TTC39B: variants seen among roughly 807,000 people sequenced by gnomAD.
The protein encoded by TTC39B is tetratricopeptide repeat protein 39B.
Under a neutral mutation model 96.6 loss-of-function variants are expected in TTC39B, and 92 were observed. The observed-to-expected ratio is 0.95, with a 90% CI of 0.80 to 1.13. The LOEUF (loss-of-function observed/expected upper bound fraction) is 1.13, where lower values mean the gene tolerates loss of function less well. TTC39B is among the 50% of genes most tolerant of loss of function. The pLI is 0.00. For missense variants in TTC39B, 955 were observed against 809.3 expected, an observed-to-expected ratio of 1.18 and a Z score of -2.18; for synonymous variants, 367 against 299.4, an observed-to-expected ratio of 1.23 and a Z score of -2.33.
chr9:15,245,451 T>C (rs1822232401), intron 2 of TTC39B, among the ~76,000 whole-genome samples: 2 of 152,204 alleles, frequency 1.3e-5, no homozygotes, highest in African/African-American at 4.8e-5. Context: ...CAGCCTGTGG[T>C]ATCAAGCAGG....
chr9:15,190,723 T>C, intron 10 of TTC39B, 61 bp from the exon 11 acceptor site: 1 of 1,289,948 alleles, frequency 7.8e-7, no homozygotes, highest in Non-Finnish European at 1.1e-6. Flanking sequence ...ATTCAGAAAC[T>C]TTTTAAACAT....
At chr9:15,186,645 T>C (rs1395753180) in intron 15 of TTC39B, 2 of 215,584 alleles carry the variant, frequency 9.3e-6, no homozygotes, top group Non-Finnish European at 1.8e-5. Context: ...GTGACATTTA[T>C]CATGCCATGG....
At position 15,186,925 on chromosome 9, in the gene TTC39B, G is replaced by C. The variant is rs369825488; in HGVS notation, c.1487+19C>G. 3.7e-6 allele frequency: 6 copies of C among 1,607,308 alleles called. No individual in the cohort carries two copies. In the African/African-American group the frequency reaches 8.0e-5, roughly 22 times the overall value. On this transcript the variant is annotated intron_variant, in intron 15 of 19. Transcript: ENST00000512701. ...TTATACCCTCAGAGCCTTTGTTATA[G>C]GAATAGTGTCTCACATACCTGAATA... is the stretch of plus-strand genomic sequence containing the variant.
At chr9:15,272,295 C>T (rs1225722956) in intron 1 of TTC39B, among the ~76,000 whole-genome samples, 2 of 152,192 alleles carry the variant, frequency 1.3e-5, no homozygotes, top group African/African-American at 4.8e-5. Context: ...CTCTTTGCTT[C>T]TCCATACTCA....
chr9:15,273,117 G>A lies in TTC39B; in HGVS notation c.241-5169C>T, dbSNP rs527798650. ...TGCATGCAAGAACATTTGAGTGGAA[G>A]AGCAGGTTCTTGATGTTCATTTAAG... On this transcript the variant is annotated intron_variant, in intron 1 of 19. Transcript: ENST00000512701. Among the ~76,000 whole-genome samples, 24 of 152,340 alleles carry A rather than the reference G, an allele frequency of 1.6e-4. No homozygotes were observed. In the East Asian group the frequency reaches 4.4e-3, roughly 28 times the overall value.
rs549150155 is a variant in TTC39B, at chr9:15,167,028, A to ATTT, written c.*4988_*4990dup. 6 of 11,032 alleles carry ATTT rather than the reference A, an allele frequency of 5.4e-4. 1 individual carries two copies. The highest frequency in any genetic ancestry group is 8.6e-4 in the African/African-American group (3 of 3,502). 0.7% of individuals were successfully genotyped at this position (11,032 alleles called of 1,614,324 possible). On this transcript the variant is annotated 3_prime_UTR_variant, in exon 20 of 20. Transcript: ENST00000512701. Reference sequence around the variant, plus strand: ...TATATATATATATATATATATATATATTTTTTTTTTTTTTTTTTTTTTTTT... The same window carrying ATTT: ...TATATATATATATATATATATATATATTTTTTTTTTTTTTTTTTTTTTTTTTTT...
chr9:15,285,446 C>A (rs1823932394), intron 1 of TTC39B, among the ~76,000 whole-genome samples: 2 of 152,106 alleles, frequency 1.3e-5, no homozygotes, highest in African/African-American at 4.8e-5. Context: ...AATAGATACC[C>A]CAATTACCCT....
chr9:15,238,528 C>G (rs568331874), intron 2 of TTC39B, among the ~76,000 whole-genome samples: 4 of 152,268 alleles, frequency 2.6e-5, no homozygotes, highest in Admixed American at 6.5e-5. Flanking sequence ...AACTGAATCC[C>G]ATTTATGTTA....
At chr9:15,205,241 G>A (rs533748020) in intron 6 of TTC39B, among the ~76,000 whole-genome samples, 4 of 152,294 alleles carry the variant, frequency 2.6e-5, no homozygotes, top group South Asian at 4.1e-4. Context: ...CCCATGATCC[G>A]TGTCACTGCT....
At chr9:15,284,469 C>G (rs1295142757) in intron 1 of TTC39B, among the ~76,000 whole-genome samples, 2 of 152,104 alleles carry the variant, frequency 1.3e-5, no homozygotes, top group Non-Finnish European at 2.9e-5. Flanking sequence ...GAATTAGACC[C>G]AAATGATCTT....
chr9:15,299,298 A>G (rs188523572), intron 1 of TTC39B, among the ~76,000 whole-genome samples: 8 of 152,360 alleles, frequency 5.3e-5, no homozygotes, highest in Non-Finnish European at 1.0e-4. Context: ...TAATATCAGC[A>G]GTACCAAGGG....
Position 15,211,253 on chromosome 9 carries a change from T to C in TTC39B, c.614+13A>G, listed in dbSNP as rs749057248. 30 of 1,512,876 alleles carry C rather than the reference T, an allele frequency of 2.0e-5. No individual in the cohort carries two copies. The highest frequency in any genetic ancestry group is 8.0e-5 in the South Asian group (6 of 75,268). 93.7% of individuals were successfully genotyped at this position (1,512,876 alleles called of 1,614,324 possible). A position where few individuals can be genotyped will look rare whatever the true frequency, so the allele number is the denominator to read the frequency against. Reference sequence around the variant, plus strand: ...TTGCAGTCACATCTTAAGTATTTAATGACTCGTCATACTTTTGGCAGGTTT... The same window carrying C: ...TTGCAGTCACATCTTAAGTATTTAACGACTCGTCATACTTTTGGCAGGTTT... On this transcript the variant is annotated intron_variant, in intron 5 of 19. Coordinates refer to ENST00000512701, the Ensembl canonical transcript of TTC39B.
intron 1 of TTC39B, among the ~76,000 whole-genome samples, chr9:15,273,673 C>A (rs944910407): frequency 6.6e-6 from 1 of 152,256 alleles, no homozygotes; most frequent in South Asian, 2.1e-4. Context: ...TGGGCAGGTG[C>A]CCACCCCCAC....
At chr9:15,266,059 G>C (rs1287379263) in intron 2 of TTC39B, among the ~76,000 whole-genome samples, 10 of 152,150 alleles carry the variant, frequency 6.6e-5, no homozygotes, top group African/African-American at 2.2e-4. Flanking sequence ...ATAACGTATG[G>C]ACTGTAGTTA....
exon 17 of TTC39B, chr9:15,182,370 T>C (rs1818293123): frequency 1.2e-6 from 2 of 1,612,288 alleles, no homozygotes; most frequent in Non-Finnish European, 1.7e-6. Flanking sequence ...GAAAGGTCTT[T>C]TCTTTTGCTC....
At chr9:15,183,002 A>G (rs1348051200) in intron 16 of TTC39B, among the ~76,000 whole-genome samples, 1 of 152,212 alleles carries the variant, frequency 6.6e-6, no homozygotes, top group Non-Finnish European at 1.5e-5. Context: ...TTAATGGGCT[A>G]CCAGATGAGA....
At chr9:15,235,047 C>A (rs879493664) in intron 2 of TTC39B, among the ~76,000 whole-genome samples, 7,412 of 103,892 alleles carry the variant, frequency 0.071, 244 homozygotes, top group South Asian at 0.093. Flanking sequence ...ATAAATAAAA[C>A]AAAAACAAAA....
At chr9:15,280,938 C>G (rs992859224) in intron 1 of TTC39B, among the ~76,000 whole-genome samples, 1 of 152,144 alleles carries the variant, frequency 6.6e-6, no homozygotes, top group Non-Finnish European at 1.5e-5. Flanking sequence ...CCCAAAGAGG[C>G]TGTTTTGTGT....
chr9:15,178,165 G>A lies in TTC39B; in HGVS notation c.1724-351C>T, dbSNP rs867894306. Among the ~76,000 whole-genome samples the A allele has an allele frequency of 1.5e-3, 224 of 151,954 alleles. 1 individual carries two copies. The highest frequency in any genetic ancestry group is 4.9e-3 in the African/African-American group (205 of 41,486). On this transcript the variant is annotated intron_variant, in intron 17 of 19. Coordinates refer to ENST00000512701, the Ensembl canonical transcript of TTC39B. ...ATTACAGGCGTGAGCCACCGTGCCC[G>A]GCCTTAAGATCTTAATTAAGAGAAA...
Sources: allele counts gnomAD v4.1 joint callset (sites outside exome capture counted in the v4.1 genomes callset), GRCh38; gene constraint gnomAD v4.1.1; transcripts MANE v1.5; gene names NCBI Gene and HGNC (gene_info 2026-07-23, HGNC 2026-07-21).